Variants in ZFHX3 observed in about 807,000 individuals in gnomAD.
The protein encoded by ZFHX3 is zinc finger homeobox 3, also known as zinc finger homeobox protein 3.
ZFHX3 carries 42 observed loss-of-function variants against 279.1 expected under a neutral mutation model. The ratio of observed to expected loss-of-function variants is 0.15; its 90% CI spans 0.12 to 0.19. ZFHX3 has a LOEUF of 0.19. Ranked by LOEUF, ZFHX3 falls within the 10% of genes least tolerant of loss-of-function variation. ZFHX3 has a pLI of 1.00. For missense variants in ZFHX3, 4,981 were observed against 4,754.0 expected, an observed-to-expected ratio of 1.05 and a Z score of -1.40; for synonymous variants, 2,293 against 1,957.8, an observed-to-expected ratio of 1.17 and a Z score of -4.52.
chr16:73,093,289 T>C (rs1156616167), exon 8 of ZFHX3: 4 of 460,910 alleles, frequency 8.7e-6, no homozygotes, highest in Non-Finnish European at 1.7e-5. Flanking sequence ...TTGCACATCG[T>C]GTTTGGGTTG....
intron 5 of ZFHX3, among the ~76,000 whole-genome samples, chr16:73,212,584 G>T (rs2012057871): frequency 1.3e-5 from 2 of 152,304 alleles, no homozygotes; most frequent in South Asian, 4.1e-4. Context: ...TGTTGCAAAT[G>T]GTCACACGTG....
At chr16:73,502,598 G>A (rs570708911) in intron 2 of ZFHX3, among the ~76,000 whole-genome samples, 1 of 152,216 alleles carries the variant, frequency 6.6e-6, no homozygotes, top group Non-Finnish European at 1.5e-5. Context: ...ATGGTAGACA[G>A]TACGGAGCTG....
intron 2 of ZFHX3, among the ~76,000 whole-genome samples, chr16:73,612,024 C>T (rs914931320): frequency 6.6e-6 from 1 of 152,072 alleles, no homozygotes; most frequent in Non-Finnish European, 1.5e-5. Flanking sequence ...CTGTACATAA[C>T]ATGTTTTTTT....
intron 1 of ZFHX3, among the ~76,000 whole-genome samples, chr16:73,864,850 A>G (rs917267012): frequency 1.3e-5 from 2 of 152,266 alleles, no homozygotes; most frequent in African/African-American, 4.8e-5. Context: ...GGAAATGGCC[A>G]CATACTCATT....
rs1266387637 is a variant in ZFHX3 at position 72,787,150 on chromosome 16, T to TTCA, written c.*11_*13dup. The TTCA allele has an allele frequency of 6.8e-7, 1 of 1,479,414 alleles. No individual in the cohort carries two copies. Among genetic ancestry groups the TTCA allele is most frequent in the African/African-American group, 1.4e-5 (1 of 71,222 alleles). 91.6% of individuals were successfully genotyped at this position (1,479,414 alleles called of 1,614,324 possible). On this transcript the variant is annotated 3_prime_UTR_variant, in exon 10 of 10. Coordinates refer to ENST00000268489, the MANE Select transcript of ZFHX3 (RefSeq NM_006885.4). ...TATTTAAATTCATTTGTTTGTATTG[T>TTCA]TCATCTTCAAAGCTTACAATCTGAA...
chr16:73,042,325 A>C (rs1464032927), intron 1 of ZFHX3, among the ~76,000 whole-genome samples: 1 of 152,110 alleles, frequency 6.6e-6, no homozygotes, highest in Non-Finnish European at 1.5e-5. Flanking sequence ...CTGAACTAGA[A>C]TCTTCCTACT....
chr16:73,430,905 C>T (rs1297035575), intron 3 of ZFHX3, among the ~76,000 whole-genome samples: 1 of 152,198 alleles, frequency 6.6e-6, no homozygotes, highest in African/African-American at 2.4e-5. Context: ...CAGTGCCCAG[C>T]ACATTGTTGG....
intron 4 of ZFHX3, among the ~76,000 whole-genome samples, chr16:72,861,293 C>A (rs2037882591): frequency 6.6e-6 from 1 of 152,222 alleles, no homozygotes; most frequent in Non-Finnish European, 1.5e-5. Flanking sequence ...TCCCACTAAG[C>A]ATCGGGTGGA....
At chr16:73,855,133 G>T (rs1171248181) in intron 1 of ZFHX3, among the ~76,000 whole-genome samples, 5 of 150,530 alleles carry the variant, frequency 3.3e-5, no homozygotes, top group African/African-American at 1.2e-4. Context: ...AGGAAAAATA[G>T]CAATTGCCTC....
intron 3 of ZFHX3, among the ~76,000 whole-genome samples, chr16:73,342,128 C>T (rs1328508440): frequency 3.3e-5 from 5 of 152,098 alleles, no homozygotes; most frequent in Admixed American, 3.3e-4. Context: ...TTATTTCTCA[C>T]CTATTAGACT....
At chr16:73,847,904 GTTTTTTTTTTTTT>G (rs60189791) in intron 1 of ZFHX3, among the ~76,000 whole-genome samples, 4 of 80,074 alleles carry the variant, frequency 5.0e-5, no homozygotes, top group Admixed American at 1.3e-4. Context: ...TGCCTGGCTA[GTTTTTTTTTTTTT>G]TTTTTTTTTT....
intron 2 of ZFHX3, among the ~76,000 whole-genome samples, chr16:73,676,839 G>T (rs905161895): frequency 4.0e-5 from 6 of 151,856 alleles, no homozygotes; most frequent in Non-Finnish European, 7.4e-5. Flanking sequence ...AAATAAAAAT[G>T]CAAGGCAAAA....
At chr16:73,465,974 T>C (rs1376712828) in intron 2 of ZFHX3, among the ~76,000 whole-genome samples, 1 of 142,652 alleles carries the variant, frequency 7.0e-6, no homozygotes, top group Non-Finnish European at 1.5e-5. Flanking sequence ...TTTCTCAAAC[T>C]GGAAGAATGC....
chr16:73,498,977 T>C (rs1381511523), intron 2 of ZFHX3, among the ~76,000 whole-genome samples: 1 of 152,186 alleles, frequency 6.6e-6, no homozygotes, highest in Non-Finnish European at 1.5e-5. Flanking sequence ...CTCTCACCCA[T>C]AACCCATTCC....
intron 3 of ZFHX3, among the ~76,000 whole-genome samples, chr16:73,378,983 A>G (rs55765996): frequency 0.039 from 5,970 of 152,272 alleles, 305 homozygotes; most frequent in African/African-American, 0.12. Context: ...GGAAGAAGAC[A>G]GTACACCTTG....
chr16:72,980,981 G>A (rs896369643), intron 1 of ZFHX3, among the ~76,000 whole-genome samples: 6 of 151,600 alleles, frequency 4.0e-5, no homozygotes, highest in Admixed American at 6.6e-5. Flanking sequence ...GTTACCATTC[G>A]CTATCAGGAA....
chr16:73,064,286 G>A (rs1273674264), upstream of ZFHX3, among the ~76,000 whole-genome samples: 1 of 152,012 alleles, frequency 6.6e-6, no homozygotes, highest in Non-Finnish European at 1.5e-5. Flanking sequence ...GCCCTCCCCT[G>A]ACTCTCACTC....
chr16:73,572,143 AATG>A (rs1448855884), intron 2 of ZFHX3, among the ~76,000 whole-genome samples: 1 of 149,988 alleles, frequency 6.7e-6, no homozygotes, highest in Non-Finnish European at 1.5e-5. Context: ...GAAAGCATCA[AATG>A]GATTTTGAAT....
At chr16:73,530,148 G>A (rs570945951) in intron 2 of ZFHX3, among the ~76,000 whole-genome samples, 29 of 152,298 alleles carry the variant, frequency 1.9e-4, no homozygotes, top group African/African-American at 4.6e-4. Flanking sequence ...CAAAAGTCAC[G>A]TCTTACATGG....
Sources: allele counts gnomAD v4.1 joint callset (sites outside exome capture counted in the v4.1 genomes callset), GRCh38; gene constraint gnomAD v4.1.1; transcripts MANE v1.5; gene names NCBI Gene and HGNC (gene_info 2026-07-23, HGNC 2026-07-21).